Variants in GPATCH2 observed in about 807,000 individuals in gnomAD.
GPATCH2 encodes G-patch domain containing 2, also known as G patch domain-containing protein 2.
Under a neutral mutation model 58.0 loss-of-function variants are expected in GPATCH2, and 51 were observed. That is an observed-to-expected ratio of 0.88 (90% CI 0.70 to 1.11). The LOEUF is 1.11. Among genes scored for constraint, GPATCH2 ranks in the 50% most tolerant of loss-of-function variants. The pLI, the probability that GPATCH2 is intolerant of heterozygous loss-of-function variation, is 0.00. For missense variants in GPATCH2, 625 were observed against 652.2 expected (o/e 0.96, Z 0.45); for synonymous variants, 222 against 218.5 (o/e 1.02, Z -0.14).
intron 5 of GPATCH2, among the ~76,000 whole-genome samples, chr1:217,596,604 C>T (rs1667842995): frequency 6.6e-6 from 1 of 151,968 alleles, no homozygotes; most frequent in Non-Finnish European, 1.5e-5. Flanking sequence ...AATATTTCTG[C>T]CCTTTTATAT....
In GPATCH2 at chr1:217,491,760, G is replaced by C; in HGVS notation, c.1207-10C>G. On this transcript the variant is annotated splice_polypyrimidine_tract_variant and intron_variant, in intron 7 of 9. Transcript: ENST00000366935. ...CTCTCAGAAGCTGATGCTACACAAA[G>C]TGTTAAGACAAAGTCATAGAAACAA... 8.4e-7 allele frequency: 1 copy of C among 1,192,324 alleles called. No homozygotes were observed. The highest frequency in any genetic ancestry group is 1.2e-6 in the Non-Finnish European group (1 of 829,280). 73.9% of individuals were successfully genotyped at this position (1,192,324 alleles called of 1,614,324 possible). A position where few individuals can be genotyped will look rare whatever the true frequency, so the allele number is the denominator to read the frequency against.
chr1:217,471,787 A>G (rs1039727868), intron 8 of GPATCH2, among the ~76,000 whole-genome samples: 1 of 152,092 alleles, frequency 6.6e-6, no homozygotes, highest in Admixed American at 6.5e-5. Context: ...CTTTCTTCTC[A>G]CTATTAATAG....
At chr1:217,537,490 C>A (rs17722189) in intron 5 of GPATCH2, among the ~76,000 whole-genome samples, 5,635 of 152,126 alleles carry the variant, frequency 0.037, 122 homozygotes, top group South Asian at 0.058. Context: ...TTTGCACTGA[C>A]AACAGGTATT....
At chr1:217,622,429 A>C (rs559558357) in intron 1 of GPATCH2, among the ~76,000 whole-genome samples, 1 of 152,398 alleles carries the variant, frequency 6.6e-6, no homozygotes, top group East Asian at 1.9e-4. Flanking sequence ...TAAACAAAAA[A>C]TCTAATGCAT....
chr1:217,485,645 A>G (rs1661421653), intron 8 of GPATCH2, among the ~76,000 whole-genome samples: 2 of 152,164 alleles, frequency 1.3e-5, no homozygotes, highest in African/African-American at 4.8e-5. Flanking sequence ...ATATAAATGT[A>G]GTCAGGCATC....
intron 6 of GPATCH2, among the ~76,000 whole-genome samples, chr1:217,506,181 A>G (rs988759997): frequency 6.6e-6 from 1 of 152,232 alleles, no homozygotes; most frequent in African/African-American, 2.4e-5. Context: ...GACAGTGAAG[A>G]TACAGAACAT....
intron 5 of GPATCH2, among the ~76,000 whole-genome samples, chr1:217,597,681 C>T (rs571425360): frequency 2.6e-5 from 4 of 152,308 alleles, no homozygotes; most frequent in South Asian, 2.1e-4. Context: ...TCCTACAAAG[C>T]TCATGATACC....
intron 6 of GPATCH2, among the ~76,000 whole-genome samples, chr1:217,514,091 T>G (rs1662999107): frequency 6.6e-6 from 1 of 151,388 alleles, no homozygotes; most frequent in Non-Finnish European, 1.5e-5. Context: ...CCTCCCAAAG[T>G]GCTGGGATTA....
At chr1:217,517,452 A>G (rs1286502873) in intron 5 of GPATCH2, among the ~76,000 whole-genome samples, 2 of 152,128 alleles carry the variant, frequency 1.3e-5, no homozygotes. Flanking sequence ...TTTGAGAACA[A>G]TATATTTAAT....
intron 8 of GPATCH2, among the ~76,000 whole-genome samples, chr1:217,490,630 T>C (rs1325665435): frequency 6.6e-6 from 1 of 152,236 alleles, no homozygotes; most frequent in Non-Finnish European, 1.5e-5. Flanking sequence ...ACAATCACAT[T>C]TCTCATTTCT....
intron 1 of GPATCH2, among the ~76,000 whole-genome samples, chr1:217,622,527 G>A (rs1303436445): frequency 6.6e-6 from 1 of 152,144 alleles, no homozygotes; most frequent in East Asian, 1.9e-4. Flanking sequence ...CTTTCTAAGG[G>A]TACTATATAC....
chr1:217,441,579 T>C (rs539040457), intron 9 of GPATCH2, among the ~76,000 whole-genome samples: 135 of 152,216 alleles, frequency 8.9e-4, no homozygotes, highest in African/African-American at 3.2e-3. Flanking sequence ...GGGAGAAAAT[T>C]TTTGCAATTT....
intron 5 of GPATCH2, among the ~76,000 whole-genome samples, chr1:217,542,767 A>C (rs1376391826): frequency 6.6e-6 from 1 of 152,222 alleles, no homozygotes; most frequent in African/African-American, 2.4e-5. Flanking sequence ...ATTAATACTA[A>C]AGTCCTAAAC....
chr1:217,565,197 C>G (rs538449623), intron 5 of GPATCH2, among the ~76,000 whole-genome samples: 1 of 152,102 alleles, frequency 6.6e-6, no homozygotes, highest in Non-Finnish European at 1.5e-5. Flanking sequence ...ACCTCAAGTC[C>G]CTGGAATTCC....
At chr1:217,552,738 A>G (rs779268372) in intron 5 of GPATCH2, among the ~76,000 whole-genome samples, 2 of 152,158 alleles carry the variant, frequency 1.3e-5, no homozygotes, top group Non-Finnish European at 2.9e-5. Flanking sequence ...GAAATACAAT[A>G]TGCTTTGGTT....
chr1:217,556,675 T>C (rs1665641533), intron 5 of GPATCH2, among the ~76,000 whole-genome samples: 1 of 152,226 alleles, frequency 6.6e-6, no homozygotes, highest in Admixed American at 6.5e-5. Context: ...ATGGATATTT[T>C]TTACATGCCT....
At chr1:217,625,648 G>T (rs1199610972) in intron 1 of GPATCH2, among the ~76,000 whole-genome samples, 5 of 152,112 alleles carry the variant, frequency 3.3e-5, no homozygotes, top group African/African-American at 1.2e-4. Flanking sequence ...GTAACAAGAG[G>T]ATATGCATGT....
intron 2 of GPATCH2, among the ~76,000 whole-genome samples, chr1:217,615,386 T>C (rs1668833779): frequency 6.6e-6 from 1 of 152,130 alleles, no homozygotes; most frequent in Non-Finnish European, 1.5e-5. Context: ...AAGCTCCCTA[T>C]ATTGTACAAT....
At chr1:217,432,509 C>T (rs758317640) in intron 9 of GPATCH2, among the ~76,000 whole-genome samples, 63 of 152,162 alleles carry the variant, frequency 4.1e-4, no homozygotes, top group Non-Finnish European at 8.1e-4. Flanking sequence ...TTGGGCTTGT[C>T]CTTGGCCTTG....
Sources: allele counts gnomAD v4.1 joint callset (sites outside exome capture counted in the v4.1 genomes callset), GRCh38; gene constraint gnomAD v4.1.1; transcripts MANE v1.5; gene names NCBI Gene and HGNC (gene_info 2026-07-23, HGNC 2026-07-21).